The following PLCB1 variants were observed in gnomAD, a reference collection of about 807,000 sequenced individuals.
The protein encoded by PLCB1 is phospholipase C beta 1, also known as 1-phosphatidylinositol 4,5-bisphosphate phosphodiesterase beta-1.
A neutral mutation model predicts 161.8 loss-of-function variants in PLCB1; 46 were observed. The observed-to-expected ratio is 0.28, with a 90% confidence interval of 0.22 to 0.36. The LOEUF is 0.36. PLCB1 is among the 10% of genes least tolerant of loss of function. The pLI, the probability that PLCB1 is intolerant of heterozygous loss-of-function variation, is 1.00. For missense variants in PLCB1, 1,016 were observed against 1,472.5 expected (o/e 0.69, Z 5.07); for synonymous variants, 517 against 503.7 (o/e 1.03, Z -0.35).
intron 3 of PLCB1, among the ~76,000 whole-genome samples, chr20:8,535,079 A>AAAATAT (rs1693205538): frequency 6.8e-6 from 1 of 146,036 alleles, no homozygotes; most frequent in South Asian, 2.2e-4. Flanking sequence ...ATTCTTTTCC[A>AAAATAT]AAATATAATT....
At chr20:8,443,964 A>G (rs1380198219) in intron 3 of PLCB1, among the ~76,000 whole-genome samples, 1 of 151,844 alleles carries the variant, frequency 6.6e-6, no homozygotes, top group Non-Finnish European at 1.5e-5. Flanking sequence ...TACACCTCCG[A>G]CTTTTTTCCT....
chr20:8,630,744 C>T (rs1020411718), intron 4 of PLCB1, among the ~76,000 whole-genome samples: 2 of 152,130 alleles, frequency 1.3e-5, no homozygotes, highest in Non-Finnish European at 2.9e-5. Context: ...TAAAAACATG[C>T]AATAAATGGC....
chr20:8,556,971 T>TAATA (rs1001166855), intron 3 of PLCB1, among the ~76,000 whole-genome samples: 1 of 134,370 alleles, frequency 7.4e-6, no homozygotes, highest in African/African-American at 2.9e-5. Flanking sequence ...CTATTATTGA[T>TAATA]AATAAATAAA....
At chr20:8,443,509 G>A (rs919331004) in intron 3 of PLCB1, among the ~76,000 whole-genome samples, 3 of 152,182 alleles carry the variant, frequency 2.0e-5, no homozygotes, top group African/African-American at 7.2e-5. Context: ...ATTAGGCTTA[G>A]TTTTCTGTTT....
chr20:8,374,773 A>T (rs1987021458), intron 3 of PLCB1, among the ~76,000 whole-genome samples: 1 of 152,230 alleles, frequency 6.6e-6, no homozygotes, highest in East Asian at 1.9e-4. Context: ...GGACAGATTG[A>T]GTGCAAGACT....
chr20:8,867,201 G>T (rs990217671), intron 31 of PLCB1, among the ~76,000 whole-genome samples: 1 of 152,100 alleles, frequency 6.6e-6, no homozygotes, highest in African/African-American at 2.4e-5. Flanking sequence ...CTAATCCTTG[G>T]TTAATCTTAA....
intron 10 of PLCB1, among the ~76,000 whole-genome samples, chr20:8,694,953 C>T (rs536023342): frequency 7.9e-5 from 12 of 152,286 alleles, no homozygotes; most frequent in African/African-American, 2.9e-4. Flanking sequence ...AAATGTTTGT[C>T]TTTTCCCCTT....
intron 23 of PLCB1, among the ~76,000 whole-genome samples, chr20:8,742,020 C>T (rs1466454831): frequency 2.0e-5 from 3 of 152,004 alleles, no homozygotes; most frequent in Non-Finnish European, 4.4e-5. Context: ...TAGTATGAGT[C>T]ATAAAGAGTC....
chr20:8,736,477 C>T (rs1051356882), intron 19 of PLCB1, among the ~76,000 whole-genome samples: 1 of 152,052 alleles, frequency 6.6e-6, no homozygotes, highest in African/African-American at 2.4e-5. Context: ...TACTTCTAAC[C>T]TCACCATTTT....
intron 31 of PLCB1, among the ~76,000 whole-genome samples, chr20:8,817,342 T>C (rs1985129223): frequency 6.6e-6 from 1 of 152,110 alleles, no homozygotes; most frequent in African/African-American, 2.4e-5. Flanking sequence ...AGTGTCAGCT[T>C]GGTAGAACTT....
rs562978305 is a variant in PLCB1, at chr20:8,458,443, C to A, written c.246+86993C>A. Among the ~76,000 whole-genome samples, 477 of 152,256 alleles carry A rather than the reference C, an allele frequency of 3.1e-3. 4 individuals carry two copies. Among genetic ancestry groups the A allele is most frequent in the African/African-American group, 0.011 (444 of 41,552 alleles). ...AATTCTAATGTCCTAGGTTCTTTAT[C>A]TTTCAACAAATTATGTTTCCCTTTC... is the stretch of plus-strand genomic sequence containing the variant. On this transcript the variant is annotated intron_variant, in intron 3 of 31. Transcript: ENST00000338037.
chr20:8,800,288 C>G (rs908694804), intron 31 of PLCB1, among the ~76,000 whole-genome samples: 1 of 152,184 alleles, frequency 6.6e-6, no homozygotes, highest in African/African-American at 2.4e-5. Context: ...AGCAAATTCA[C>G]CACTTGGAGT....
At chr20:8,479,577 T>C (rs756603946) in intron 3 of PLCB1, among the ~76,000 whole-genome samples, 5 of 152,216 alleles carry the variant, frequency 3.3e-5, no homozygotes, top group Non-Finnish European at 5.9e-5. Flanking sequence ...CTTAGCCATC[T>C]ATATTACTCA....
intron 31 of PLCB1, among the ~76,000 whole-genome samples, chr20:8,860,100 A>G (rs1379117536): frequency 6.6e-6 from 1 of 152,222 alleles, no homozygotes; most frequent in Non-Finnish European, 1.5e-5. Context: ...TTGCTTAACC[A>G]TAAAATGCTC....
intron 3 of PLCB1, among the ~76,000 whole-genome samples, chr20:8,528,218 A>G (rs896518154): frequency 6.6e-6 from 1 of 152,060 alleles, no homozygotes; most frequent in African/African-American, 2.4e-5. Context: ...AAATGAAGAC[A>G]TATGAATCCA....
At chr20:8,725,275 C>T (rs1302042425) in intron 16 of PLCB1, among the ~76,000 whole-genome samples, 1 of 152,086 alleles carries the variant, frequency 6.6e-6, no homozygotes, top group East Asian at 1.9e-4. Flanking sequence ...TGTGTTTTCC[C>T]TTTATTCAAC....
At chr20:8,436,558 T>C (rs1194341521) in intron 3 of PLCB1, among the ~76,000 whole-genome samples, 1 of 152,124 alleles carries the variant, frequency 6.6e-6, no homozygotes, top group Non-Finnish European at 1.5e-5. Context: ...TTTCCTCTTT[T>C]TTTTCTCTCT....
chr20:8,855,738 G>GA, intron 31 of PLCB1, among the ~76,000 whole-genome samples: 1 of 152,202 alleles, frequency 6.6e-6, no homozygotes, highest in East Asian at 1.9e-4. Flanking sequence ...CATAAGGGGG[G>GA]AAAACTACCT....
At chr20:8,369,993 G>A (rs760811956) in intron 2 of PLCB1, among the ~76,000 whole-genome samples, 1 of 152,172 alleles carries the variant, frequency 6.6e-6, no homozygotes, top group Admixed American at 6.5e-5. Flanking sequence ...TTGACTAAGA[G>A]CAAAAGGTGC....
Sources: allele counts gnomAD v4.1 joint callset (sites outside exome capture counted in the v4.1 genomes callset), GRCh38; gene constraint gnomAD v4.1.1; transcripts MANE v1.5; gene names NCBI Gene and HGNC (gene_info 2026-07-23, HGNC 2026-07-21).